The following IL3RA variants were observed in gnomAD, a reference collection of about 807,000 sequenced individuals.
The protein encoded by IL3RA is interleukin-3 receptor subunit alpha.
A neutral mutation model predicts 52.3 loss-of-function variants in IL3RA; 73 were observed. The observed-to-expected ratio is 1.40, with a 90% CI of 1.16 to 1.70. IL3RA has a LOEUF of 1.70. Among genes scored for constraint, IL3RA ranks in the 40% most tolerant of loss-of-function variants. The pLI is 0.00. For missense variants in IL3RA, 664 were observed against 504.4 expected, an observed-to-expected ratio of 1.32 and a Z score of -3.03; for synonymous variants, 260 against 194.0, an observed-to-expected ratio of 1.34 and a Z score of -2.83.
intron 8 of IL3RA, among the ~76,000 whole-genome samples, chrX:1,361,755 GAAAAAAAA>G (rs1156722120): frequency 6.2e-4 from 51 of 81,758 alleles, no homozygotes; most frequent in African/African-American, 2.1e-3. Flanking sequence ...TCCGTCTCGA[GAAAAAAAA>G]AAAAAAAAAA....
At chrX:1,348,682 CTTTCTTTCTTTTTCTTTCTTTCTG>C (rs1274630633) in intron 4 of IL3RA, 137 bp downstream of exon 4, 17 of 497,560 alleles carry the variant, frequency 3.4e-5, no homozygotes, top group South Asian at 7.8e-5. Context: ...TTCTTTCTTT[CTTTCTTTCTTTTTCTTTCTTTCTG>C]TTTCTGTTTC....
chrX:1,341,940 C>T, intron 2 of IL3RA, 111 bp downstream of exon 2: 1 of 1,098,518 alleles, frequency 9.1e-7, no homozygotes, highest in Non-Finnish European at 1.4e-6. Flanking sequence ...GAGCTCATGG[C>T]AGAGTCTCAT....
At chrX:1,358,613 C>G (rs1215797664) in intron 7 of IL3RA, among the ~76,000 whole-genome samples, 2 of 152,136 alleles carry the variant, frequency 1.3e-5, no homozygotes, top group African/African-American at 2.4e-5. Flanking sequence ...GAGCCGAGAT[C>G]ACGCCACTGC....
chrX:1,338,676 A>C (rs2085385882), intron 1 of IL3RA, among the ~76,000 whole-genome samples: 1 of 152,230 alleles, frequency 6.6e-6, no homozygotes, highest in African/African-American at 2.4e-5. Context: ...CTATGTCCAG[A>C]TACAGGCAAA....
chrX:1,352,619 C>A, intron 6 of IL3RA, 113 bp downstream of exon 6: 1 of 1,133,326 alleles, frequency 8.8e-7, no homozygotes, highest in Non-Finnish European at 1.3e-6. Flanking sequence ...TGGCCTCTCA[C>A]ATTTCCAGAG....
intron 8 of IL3RA, among the ~76,000 whole-genome samples, chrX:1,360,877 CTCTG>C (rs1462380537): frequency 0.012 from 1,794 of 146,186 alleles, 58 homozygotes; most frequent in African/African-American, 0.045. Flanking sequence ...CCCTTCCCCT[CTCTG>C]TCTCTCTCTC....
At chrX:1,380,575 G>GAGAGGC (rs1330125137) in intron 10 of IL3RA, among the ~76,000 whole-genome samples, 1 of 21,716 alleles carries the variant, frequency 4.6e-5, no homozygotes, top group African/African-American at 3.0e-4. Context: ...CGAGGGGGAG[G>GAGAGGC]GTGGGGGAGG....
chrX:1,379,373 G>C (rs6645280), intron 10 of IL3RA, among the ~76,000 whole-genome samples: 46,228 of 150,882 alleles, frequency 0.31, 8,480 homozygotes, highest in African/African-American at 0.53. Context: ...CCACACTGGT[G>C]TTGAACTCCT....
At chrX:1,341,268 C>G (rs1222587410) in intron 1 of IL3RA, among the ~76,000 whole-genome samples, 1 of 150,948 alleles carries the variant, frequency 6.6e-6, no homozygotes, top group African/African-American at 2.4e-5. Flanking sequence ...CCACTGCACT[C>G]CAGCCTGGAC....
chrX:1,365,256 A>T lies in IL3RA; in HGVS notation c.874+4A>T. 1 of 1,510,018 alleles carries T rather than the reference A, an allele frequency of 6.6e-7. No homozygotes were observed. Among genetic ancestry groups the T allele is most frequent in the Non-Finnish European group, 9.0e-7 (1 of 1,112,222 alleles). 93.5% of individuals were successfully genotyped at this position (1,510,018 alleles called of 1,614,324 possible). Reference sequence around the variant, plus strand: ...TGGAGCACCCCCCAGCGCTTCGGTGAGTGGGCTGTGCGGGGTGCGCGGGGT... The same window carrying T: ...TGGAGCACCCCCCAGCGCTTCGGTGTGTGGGCTGTGCGGGGTGCGCGGGGT... On this transcript the variant is annotated splice_donor_region_variant and intron_variant, in intron 9 of 11. Transcript: ENST00000331035.
intron 8 of IL3RA, among the ~76,000 whole-genome samples, chrX:1,362,401 TTC>T (rs1275910022): frequency 1.3e-5 from 2 of 151,622 alleles, no homozygotes; most frequent in African/African-American, 2.4e-5. Context: ...GTTTCTGTTT[TTC>T]TTTCTTTTTC....
intron 4 of IL3RA, 125 bp downstream of exon 4, chrX:1,348,670 CT>C (rs1215917145): frequency 4.3e-6 from 2 of 460,284 alleles, no homozygotes; most frequent in Non-Finnish European, 7.5e-6. Flanking sequence ...TTCTTTCTTT[CT>C]TTCTTTCTTT....
At chrX:1,378,490 G>A (rs750442168) in intron 9 of IL3RA, among the ~76,000 whole-genome samples, 169 bp from the exon 10 acceptor site, 6 of 152,008 alleles carry the variant, frequency 3.9e-5, no homozygotes, top group African/African-American at 1.2e-4. Context: ...CAGGTGGCCC[G>A]CAGGTGGTCA....
At position 1,381,040 on chromosome X, in the gene IL3RA, G is replaced by A; in HGVS notation, c.998G>A (p.Arg333Lys). Residue 333 changes from arginine to lysine, a missense_variant, in exon 11 of 12, where the codon AGA becomes AAA. Physicochemically the swap from Arg to Lys is conservative, Grantham distance 26. Coordinates refer to ENST00000331035, the MANE Select transcript of IL3RA (RefSeq NM_002183.4). The stretch of plus-strand genomic sequence containing the variant: ...CCTCCGAGGTATCTGGTGATGCAGA[G>A]ACTCTTTCCCCGCATCCCTCACATG... ...VICRRYLVMQ[R>K]LFPRIPHMKD... The A allele has an allele frequency of 1.2e-6, 2 of 1,613,844 alleles. No homozygotes were observed. The highest frequency in any genetic ancestry group is 1.7e-6 in the Non-Finnish European group (2 of 1,179,802).
chrX:1,352,031 C>T (rs2086109318), intron 4 of IL3RA, 69 bp from the exon 5 acceptor site: 1 of 1,570,636 alleles, frequency 6.4e-7, no homozygotes, highest in African/African-American at 1.4e-5. Context: ...TCCCAAAATG[C>T]TGGGGTGACA....
chrX:1,368,056 G>A (rs1367141177), intron 9 of IL3RA, among the ~76,000 whole-genome samples: 1 of 152,070 alleles, frequency 6.6e-6, no homozygotes, highest in Non-Finnish European at 1.5e-5. Flanking sequence ...TCAGGAGATC[G>A]AGACCATCCC....
intron 1 of IL3RA, among the ~76,000 whole-genome samples, chrX:1,341,180 A>G (rs1175955168): frequency 1.3e-5 from 2 of 152,024 alleles, no homozygotes; most frequent in Non-Finnish European, 2.9e-5. Flanking sequence ...AGTGCCTGTA[A>G]TCCCAGCTAC....
At chrX:1,368,284 G>A (rs1260786522) in intron 9 of IL3RA, among the ~76,000 whole-genome samples, 8 of 151,854 alleles carry the variant, frequency 5.3e-5, no homozygotes, top group Admixed American at 2.6e-4. Flanking sequence ...CAAAAGGATC[G>A]CCTCAGAGTA....
intron 1 of IL3RA, among the ~76,000 whole-genome samples, chrX:1,340,845 G>A (rs1247534971): frequency 2.0e-5 from 3 of 152,018 alleles, no homozygotes; most frequent in South Asian, 4.2e-4. Context: ...GGCTGGACGC[G>A]GTGGCTGACG....
Sources: allele counts gnomAD v4.1 joint callset (sites outside exome capture counted in the v4.1 genomes callset), GRCh38; gene constraint gnomAD v4.1.1; transcripts MANE v1.5; gene names NCBI Gene and HGNC (gene_info 2026-07-23, HGNC 2026-07-21).